Variants in NRXN3 observed in about 807,000 individuals in gnomAD.
NRXN3 encodes the protein neurexin III.
Under a neutral mutation model 137.6 loss-of-function variants are expected in NRXN3, and 32 were observed. The ratio of observed to expected loss-of-function variants is 0.23; its 90% CI spans 0.18 to 0.31. The LOEUF is 0.31. Ranked by LOEUF, NRXN3 falls within the 10% of genes least tolerant of loss-of-function variation. The pLI is 1.00. For missense variants in NRXN3, 1,574 were observed against 2,062.5 expected, an observed-to-expected ratio of 0.76 and a Z score of 4.59; for synonymous variants, 798 against 784.5, an observed-to-expected ratio of 1.02 and a Z score of -0.29.
At chr14:79,614,172 A>G (rs1411161941) in intron 16 of NRXN3, among the ~76,000 whole-genome samples, 1 of 152,270 alleles carries the variant, frequency 6.6e-6, no homozygotes, top group Non-Finnish European at 1.5e-5. Context: ...AAGGCAGTTC[A>G]GCTCTGTGAT....
chr14:79,051,427 G>A (rs369385359), intron 15 of NRXN3, among the ~76,000 whole-genome samples: 11 of 152,158 alleles, frequency 7.2e-5, no homozygotes, highest in African/African-American at 1.9e-4. Context: ...GCCTTTAGCC[G>A]CACAGGTGGA....
intron 4 of NRXN3, among the ~76,000 whole-genome samples, chr14:78,589,973 AAAACAAAC>A (rs869260100): frequency 2.6e-4 from 39 of 150,660 alleles, no homozygotes; most frequent in Admixed American, 1.3e-3. Context: ...AACAAACAAA[AAAACAAAC>A]AAACAAACAA....
At chr14:79,408,245 G>C (rs2095351532) in intron 15 of NRXN3, among the ~76,000 whole-genome samples, 1 of 152,018 alleles carries the variant, frequency 6.6e-6, no homozygotes, top group Admixed American at 6.6e-5. Flanking sequence ...CAAAAGAGTT[G>C]AGCCTTATCC....
At chr14:79,708,490 T>C (rs2098790135) in intron 19 of NRXN3, among the ~76,000 whole-genome samples, 1 of 131,960 alleles carries the variant, frequency 7.6e-6, no homozygotes, top group Non-Finnish European at 1.6e-5. Flanking sequence ...TAAACTGAGG[T>C]AAGAATTGTT....
chr14:79,328,909 A>G (rs1167817151), intron 15 of NRXN3, among the ~76,000 whole-genome samples: 4 of 152,224 alleles, frequency 2.6e-5, no homozygotes, highest in African/African-American at 7.2e-5. Flanking sequence ...ATGAGTAAGA[A>G]AAGACTGAAA....
chr14:79,429,889 G>A (rs2095717672), intron 15 of NRXN3, among the ~76,000 whole-genome samples: 3 of 151,944 alleles, frequency 2.0e-5, no homozygotes, highest in Non-Finnish European at 4.4e-5. Context: ...GAGTGAAAGA[G>A]TTTTAAGCAT....
In NRXN3 at chr14:78,967,404, C is replaced by A. The variant is rs758621309; in HGVS notation, c.2968+6C>A. On this transcript the variant is annotated splice_donor_region_variant and intron_variant, in intron 13 of 20. Coordinates refer to ENST00000335750, the MANE Select transcript of NRXN3 (RefSeq NM_001330195.2). ...CAAAAATCTGGATTTGAAAGGTAAA[C>A]CTTGTAAAGAAATTTAGTTTTTAAT... 6.2e-6 allele frequency: 10 copies of A among 1,606,462 alleles called. No individual in the cohort carries two copies. Among genetic ancestry groups the A allele is most frequent in the East Asian group, 4.5e-5 (2 of 44,724 alleles).
chr14:78,738,872 C>T (rs1311844288), intron 8 of NRXN3, among the ~76,000 whole-genome samples: 1 of 152,140 alleles, frequency 6.6e-6, no homozygotes, highest in Non-Finnish European at 1.5e-5. Context: ...AAAGCCCAGG[C>T]CCAGTGGAAT....
intron 10 of NRXN3, among the ~76,000 whole-genome samples, chr14:78,945,672 C>A (rs978914494): frequency 6.6e-6 from 1 of 152,156 alleles, no homozygotes; most frequent in African/African-American, 2.4e-5. Flanking sequence ...GTTAATGGGA[C>A]CCATGTGTTA....
At chr14:78,786,020 A>G (rs973707103) in intron 8 of NRXN3, among the ~76,000 whole-genome samples, 2 of 152,160 alleles carry the variant, frequency 1.3e-5, no homozygotes, top group Admixed American at 6.6e-5. Flanking sequence ...ATTCTTCTCC[A>G]CAGTGTACTA....
intron 4 of NRXN3, among the ~76,000 whole-genome samples, chr14:78,474,078 C>A (rs1274018220): frequency 1.3e-5 from 2 of 152,096 alleles, no homozygotes; most frequent in East Asian, 3.9e-4. Flanking sequence ...CTGCTTGGAG[C>A]CTGGCTACTG....
chr14:78,752,583 G>T (rs554285857), intron 8 of NRXN3, among the ~76,000 whole-genome samples: 1 of 152,320 alleles, frequency 6.6e-6, no homozygotes, highest in East Asian at 1.9e-4. Context: ...GCTCTATGGG[G>T]ATTCTTAAAT....
chr14:79,668,808 T>G (rs2153993947), intron 17 of NRXN3, among the ~76,000 whole-genome samples: 1 of 152,056 alleles, frequency 6.6e-6, no homozygotes, highest in East Asian at 1.9e-4. Context: ...CCAAATACCC[T>G]CTGGTCAGCA....
At chr14:78,431,148 C>G (rs1365685806) in intron 4 of NRXN3, among the ~76,000 whole-genome samples, 1 of 152,202 alleles carries the variant, frequency 6.6e-6, no homozygotes, top group Non-Finnish European at 1.5e-5. Context: ...ACCAGCAAGG[C>G]AGCCTGTGTA....
At chr14:79,301,194 G>A (rs2085079433) in intron 15 of NRXN3, among the ~76,000 whole-genome samples, 1 of 152,046 alleles carries the variant, frequency 6.6e-6, no homozygotes, top group African/African-American at 2.4e-5. Context: ...TGTCGTCATT[G>A]CAACAAAGCC....
chr14:79,571,194 G>A (rs1295982062), intron 16 of NRXN3, among the ~76,000 whole-genome samples: 3 of 152,170 alleles, frequency 2.0e-5, no homozygotes, highest in Middle Eastern at 3.2e-3. Context: ...TAGGTACGCT[G>A]TGGCATGGCT....
chr14:78,934,825 G>C (rs913583425), intron 10 of NRXN3, among the ~76,000 whole-genome samples: 34 of 152,030 alleles, frequency 2.2e-4, no homozygotes, highest in African/African-American at 8.0e-4. Context: ...TGGGGGGAGT[G>C]GGGAGGGATA....
intron 15 of NRXN3, among the ~76,000 whole-genome samples, chr14:79,006,369 A>G (rs977528023): frequency 1.3e-5 from 2 of 152,194 alleles, no homozygotes; most frequent in Admixed American, 6.5e-5. Context: ...CCCCAAAAGC[A>G]TGAACTAAAG....
intron 19 of NRXN3, among the ~76,000 whole-genome samples, chr14:79,760,015 T>C (rs1323725602): frequency 6.6e-6 from 1 of 151,718 alleles, no homozygotes; most frequent in Non-Finnish European, 1.5e-5. Flanking sequence ...AGATGATTCC[T>C]GTAGTTGGTC....
Sources: allele counts gnomAD v4.1 joint callset (sites outside exome capture counted in the v4.1 genomes callset), GRCh38; gene constraint gnomAD v4.1.1; transcripts MANE v1.5; gene names NCBI Gene and HGNC (gene_info 2026-07-23, HGNC 2026-07-21).